Variants in CEP112 observed in about 807,000 individuals in gnomAD.
CEP112 encodes centrosomal protein 112.
A neutral mutation model predicts 153.0 loss-of-function variants in CEP112; 127 were observed. The observed-to-expected ratio is 0.83, with a 90% CI of 0.72 to 0.96. CEP112 has a LOEUF of 0.96. Ranked by LOEUF, CEP112 falls within the 40% of genes least tolerant of loss-of-function variation. CEP112 has a pLI of 0.00. For synonymous variants in CEP112, 358 were observed against 374.4 expected (o/e 0.96, Z 0.51); for missense variants, 1,089 against 1,101.2 (o/e 0.99, Z 0.16).
chr17:65,826,436 G>C (rs548948115), intron 21 of CEP112: 1 of 1,548,984 alleles, frequency 6.5e-7, no homozygotes, highest in Non-Finnish European at 8.6e-7. Context: ...CTTGGGCCCA[G>C]AGGGTTAGAG....
intron 21 of CEP112, among the ~76,000 whole-genome samples, chr17:65,803,997 T>C (rs1744785577): frequency 1.3e-5 from 2 of 152,334 alleles, no homozygotes; most frequent in South Asian, 4.1e-4. Context: ...AGCTAATAGC[T>C]GTTAATATCT....
intron 21 of CEP112, among the ~76,000 whole-genome samples, chr17:65,757,516 T>G (rs2052358124): frequency 6.6e-6 from 1 of 152,084 alleles, no homozygotes; most frequent in South Asian, 2.1e-4. Flanking sequence ...CCAGGAAGCA[T>G]CAGGACCCAC....
chr17:65,747,297 G>A lies in CEP112; in HGVS notation c.2457+3365C>T, dbSNP rs575911996. Among the ~76,000 whole-genome samples the A allele has an allele frequency of 1.2e-4, 17 of 147,794 alleles. No individual in the cohort carries two copies. The South Asian group carries it at 3.6e-3, about 31-fold the overall frequency. ...TGCATTCTGGGTTGGCCCCCAGGAGGCTGGCATAGAGATGGGCACAGGGGT... is the reference window on the plus strand; with the variant it reads ...TGCATTCTGGGTTGGCCCCCAGGAGACTGGCATAGAGATGGGCACAGGGGT... On this transcript the variant is annotated intron_variant, in intron 22 of 26. Transcript: ENST00000535342.
chr17:66,002,828 A>G (rs1318755333), intron 17 of CEP112, among the ~76,000 whole-genome samples: 7 of 152,234 alleles, frequency 4.6e-5, no homozygotes, highest in African/African-American at 1.2e-4. Flanking sequence ...AAGAAATAAT[A>G]ACTACATGGA....
chr17:65,866,159 G>T (rs1236907445), intron 20 of CEP112, among the ~76,000 whole-genome samples: 1 of 152,158 alleles, frequency 6.6e-6, no homozygotes, highest in Non-Finnish European at 1.5e-5. Context: ...TCCCCAACAG[G>T]GTCAGAGATG....
intron 24 of CEP112, among the ~76,000 whole-genome samples, chr17:65,676,137 G>C (rs950390429): frequency 3.3e-5 from 5 of 152,154 alleles, no homozygotes; most frequent in African/African-American, 1.2e-4. Flanking sequence ...AGGAGTTTGA[G>C]ACCAGTGTGG....
Position 65,750,837 on chromosome 17 carries a change from G to A in CEP112, c.2395-113C>T, listed in dbSNP as rs1325213275. ...CCTGCCAGCTGCACCGCCCTTCTGG[G>A]GCAGCCAGAAAACCACAGGGCTTGT... On this transcript the variant is annotated intron_variant, in intron 21 of 26. Coordinates refer to ENST00000535342, the MANE Select transcript of CEP112 (RefSeq NM_001199165.4). 3 of 887,614 alleles carry A rather than the reference G, an allele frequency of 3.4e-6. No homozygotes were observed. In the African/African-American group the frequency reaches 5.0e-5, roughly 15 times the overall value. The allele number at this position is 887,614 out of a possible 1,614,324, so 55.0% of individuals were successfully genotyped here.
At chr17:65,641,309 C>T (rs574327627) in intron 24 of CEP112, among the ~76,000 whole-genome samples, 59 of 152,302 alleles carry the variant, frequency 3.9e-4, no homozygotes, top group African/African-American at 1.4e-3. Context: ...TCCTCATGAA[C>T]ACAATTTTCA....
intron 12 of CEP112, among the ~76,000 whole-genome samples, chr17:66,038,132 A>AAAG (rs1486164534): frequency 6.6e-6 from 1 of 151,328 alleles, no homozygotes. Flanking sequence ...AAAGAAAAGA[A>AAAG]AAAAGAAGAT....
At chr17:65,724,248 AG>A (rs1361635939) in intron 23 of CEP112, among the ~76,000 whole-genome samples, 1 of 152,198 alleles carries the variant, frequency 6.6e-6, no homozygotes, top group Non-Finnish European at 1.5e-5. Context: ...TTTGGGTGGC[AG>A]GACAGCATCA....
At chr17:65,830,405 T>C (rs559025941) in intron 21 of CEP112, among the ~76,000 whole-genome samples, 16 of 152,232 alleles carry the variant, frequency 1.1e-4, no homozygotes, top group African/African-American at 3.6e-4. Flanking sequence ...AGGTAAGAGG[T>C]TGTAGACATT....
intron 18 of CEP112, among the ~76,000 whole-genome samples, chr17:65,945,189 A>T (rs2061613339): frequency 6.6e-6 from 1 of 152,226 alleles, no homozygotes; most frequent in Non-Finnish European, 1.5e-5. Flanking sequence ...TGTGAAATTC[A>T]AACATGTTAT....
At chr17:66,080,318 A>G (rs938807525) in intron 8 of CEP112, among the ~76,000 whole-genome samples, 1 of 152,240 alleles carries the variant, frequency 6.6e-6, no homozygotes, top group African/African-American at 2.4e-5. Context: ...TTTACAAGAA[A>G]AAAAACAAAC....
rs9916402 is a variant in CEP112, at chr17:65,699,668, G to A, written c.2608-10450C>T. On this transcript the variant is annotated intron_variant, in intron 23 of 26. Coordinates refer to ENST00000535342, the MANE Select transcript of CEP112 (RefSeq NM_001199165.4). ...GGGGTCTCACTATGTTGCCCAGGCC[G>A]GAGTGCAGTGACTCACAGGCATGAT... Among the ~76,000 whole-genome samples the A allele has an allele frequency of 9.6e-3, 1,459 of 152,084 alleles. 27 individuals are homozygous for A. The highest frequency in any genetic ancestry group is 0.033 in the African/African-American group (1,389 of 41,476).
At chr17:65,866,723 GAA>G (rs2058498559) in intron 20 of CEP112, among the ~76,000 whole-genome samples, 5 of 152,152 alleles carry the variant, frequency 3.3e-5, no homozygotes, top group Admixed American at 3.3e-4. Flanking sequence ...GCTGAGAGCT[GAA>G]CACTCATTGG....
chr17:65,943,387 A>G (rs975664138), intron 18 of CEP112, among the ~76,000 whole-genome samples: 3 of 152,220 alleles, frequency 2.0e-5, no homozygotes, highest in Non-Finnish European at 4.4e-5. Context: ...CATTACTAAC[A>G]CCATAAAAGT....
chr17:66,093,584 CA>C (rs564176516), intron 8 of CEP112, among the ~76,000 whole-genome samples: 249 of 131,446 alleles, frequency 1.9e-3, no homozygotes, highest in Middle Eastern at 3.8e-3. Context: ...TACTAGGTAC[CA>C]AAAAAAAAAA....
In CEP112 at chr17:65,927,708, A is replaced by T. The variant is rs2060977995; in HGVS notation, c.1873-19T>A. 1 of 1,437,344 alleles carries T rather than the reference A, an allele frequency of 7.0e-7. No homozygotes were observed. The highest frequency in any genetic ancestry group is 1.5e-5 in the African/African-American group (1 of 68,912). 89.0% of individuals were successfully genotyped at this position (1,437,344 alleles called of 1,614,324 possible). A position where few individuals can be genotyped will look rare whatever the true frequency, so the allele number is the denominator to read the frequency against. Reference sequence around the variant, plus strand: ...TTTCCATCTATAAAATTTAAAAATCAAATATTAATTTTTTAAACAAACAAT... The same window carrying T: ...TTTCCATCTATAAAATTTAAAAATCTAATATTAATTTTTTAAACAAACAAT... On this transcript the variant is annotated intron_variant, in intron 18 of 26. Coordinates refer to ENST00000535342, the MANE Select transcript of CEP112 (RefSeq NM_001199165.4).
At chr17:65,950,345 A>C (rs2061782025) in intron 18 of CEP112, among the ~76,000 whole-genome samples, 1 of 152,204 alleles carries the variant, frequency 6.6e-6, no homozygotes. Flanking sequence ...GACAAAATTG[A>C]GCTTTCTAAT....
Sources: gnomAD v4.1 joint callset for allele counts (sites outside exome capture counted in the v4.1 genomes callset) on GRCh38, gnomAD v4.1.1 for gene constraint, MANE v1.5 for transcripts, NCBI Gene and HGNC (gene_info 2026-07-23, HGNC 2026-07-21) for gene names.